The following SORCS2 variants were observed in gnomAD, a reference collection of about 807,000 sequenced individuals.
SORCS2 encodes sortilin related VPS10 domain containing receptor 2.
Under a neutral mutation model 141.6 loss-of-function variants are expected in SORCS2, and 100 were observed. The ratio of observed to expected loss-of-function variants is 0.71; its 90% CI spans 0.60 to 0.83. SORCS2 has a LOEUF of 0.83. Ranked by LOEUF, SORCS2 falls within the 40% of genes least tolerant of loss-of-function variation. The probability of loss-of-function intolerance (pLI) is 0.00; values close to 1 mark genes in which losing one functional copy is unlikely to be tolerated. For missense variants in SORCS2, 1,646 were observed against 1,560.2 expected (o/e 1.05, Z -0.93); for synonymous variants, 789 against 676.9 (o/e 1.17, Z -2.57).
intron 1 of SORCS2, among the ~76,000 whole-genome samples, chr4:7,266,858 G>C (rs1714769120): frequency 6.6e-6 from 1 of 152,172 alleles, no homozygotes; most frequent in African/African-American, 2.4e-5. Flanking sequence ...TGCCGGGCTC[G>C]AGTCCCAGCT....
intron 15 of SORCS2, 59 bp downstream of exon 15, chr4:7,712,912 A>G (rs1246538651): frequency 2.1e-5 from 33 of 1,592,388 alleles, no homozygotes; most frequent in East Asian, 2.2e-5. Context: ...ACACAGGCCC[A>G]CTCTGCCTGC....
intron 8 of SORCS2, among the ~76,000 whole-genome samples, chr4:7,669,231 A>C (rs1271579185): frequency 6.6e-6 from 1 of 152,242 alleles, no homozygotes. Context: ...GCCTCAGGTC[A>C]TTCAGTTTCA....
At chr4:7,295,147 CCT>C (rs1716954207) in intron 1 of SORCS2, among the ~76,000 whole-genome samples, 1 of 44,420 alleles carries the variant, frequency 2.3e-5, no homozygotes, top group Non-Finnish European at 4.7e-5. Flanking sequence ...TCCTCCTCTC[CCT>C]CCTCCTCCCT....
chr4:7,243,570 A>T (rs1424534250), intron 1 of SORCS2, among the ~76,000 whole-genome samples: 2 of 152,202 alleles, frequency 1.3e-5, no homozygotes, highest in African/African-American at 2.4e-5. Flanking sequence ...CTGGCATCTC[A>T]TGATGACACC....
intron 1 of SORCS2, among the ~76,000 whole-genome samples, chr4:7,294,362 G>A (rs988292140): frequency 2.0e-5 from 3 of 152,114 alleles, no homozygotes; most frequent in Non-Finnish European, 4.4e-5. Flanking sequence ...GCTAGGTGGT[G>A]CAGGGGTGGA....
chr4:7,655,784 C>T (rs958460627), intron 5 of SORCS2, among the ~76,000 whole-genome samples: 3 of 152,298 alleles, frequency 2.0e-5, no homozygotes, highest in East Asian at 1.9e-4. Flanking sequence ...CCAGGAGGTG[C>T]GATTTCTGAG....
chr4:7,440,627 G>C (rs1727603377), intron 2 of SORCS2, among the ~76,000 whole-genome samples: 1 of 152,206 alleles, frequency 6.6e-6, no homozygotes, highest in Non-Finnish European at 1.5e-5. Context: ...TGGGGGCCTA[G>C]ACAGCACCAT....
chr4:7,531,663 C>G (rs369920881), intron 3 of SORCS2, 34 bp downstream of exon 3: 1 of 1,590,644 alleles, frequency 6.3e-7, no homozygotes, highest in East Asian at 2.2e-5. Flanking sequence ...GCCACTCTGG[C>G]TCTCGCCTTG....
chr4:7,260,145 T>C (rs955121452), intron 1 of SORCS2, among the ~76,000 whole-genome samples: 12 of 152,318 alleles, frequency 7.9e-5, no homozygotes, highest in Middle Eastern at 3.4e-3. Context: ...AGAACCCATG[T>C]GTGGGAACTT....
chr4:7,455,076 GCTGTGTTGGGGTCAGGCA>G (rs1204179868), intron 2 of SORCS2, among the ~76,000 whole-genome samples: 13 of 79,934 alleles, frequency 1.6e-4, no homozygotes, highest in African/African-American at 5.5e-4. Flanking sequence ...GGGGTCAGCT[GCTGTGTTGGGGTCAGGCA>G]CTGTGTTGGG....
chr4:7,264,069 G>A (rs546775386), intron 1 of SORCS2, among the ~76,000 whole-genome samples: 2 of 152,298 alleles, frequency 1.3e-5, no homozygotes, highest in African/African-American at 4.8e-5. Context: ...CTTTGGATGG[G>A]GGAGCAGAGA....
At chr4:7,532,449 A>T (rs1352871057) in intron 3 of SORCS2, among the ~76,000 whole-genome samples, 1 of 152,240 alleles carries the variant, frequency 6.6e-6, no homozygotes, top group Non-Finnish European at 1.5e-5. Flanking sequence ...TGAGGTGGGC[A>T]CACAGGCCCC....
At chr4:7,420,891 C>T (rs777832270) in intron 2 of SORCS2, among the ~76,000 whole-genome samples, 4 of 152,312 alleles carry the variant, frequency 2.6e-5, no homozygotes, top group African/African-American at 9.6e-5. Flanking sequence ...TGGCGCGGAG[C>T]CTCTCGCTTG....
intron 2 of SORCS2, among the ~76,000 whole-genome samples, chr4:7,515,576 C>T (rs978079400): frequency 5.3e-5 from 8 of 152,222 alleles, no homozygotes; most frequent in African/African-American, 1.7e-4. Context: ...GGACACCGTC[C>T]ATCCTGCTGA....
intron 3 of SORCS2, among the ~76,000 whole-genome samples, chr4:7,543,342 C>G (rs371164116): frequency 1.3e-5 from 2 of 152,168 alleles, no homozygotes; most frequent in South Asian, 4.1e-4. Flanking sequence ...CATCTATCCA[C>G]TTATCCATCC....
At chr4:7,241,736 G>A (rs1332321859) in intron 1 of SORCS2, among the ~76,000 whole-genome samples, 4 of 152,146 alleles carry the variant, frequency 2.6e-5, no homozygotes, top group South Asian at 2.1e-4. Context: ...TTTCTTTTCC[G>A]TTCCGATTCT....
At chr4:7,366,768 C>CAA (rs1721925983) in intron 1 of SORCS2, among the ~76,000 whole-genome samples, 1 of 151,974 alleles carries the variant, frequency 6.6e-6, no homozygotes, top group African/African-American at 2.4e-5. Flanking sequence ...GTCTACCCCC[C>CAA]CAACCCCCAA....
chr4:7,262,876 C>A (rs1006420092), intron 1 of SORCS2, among the ~76,000 whole-genome samples: 2 of 152,200 alleles, frequency 1.3e-5, no homozygotes, highest in African/African-American at 4.8e-5. Context: ...GGACACAGCC[C>A]AGACATTCTT....
intron 3 of SORCS2, among the ~76,000 whole-genome samples, chr4:7,637,551 G>A (rs1441522882): frequency 2.1e-5 from 3 of 146,090 alleles, no homozygotes; most frequent in Non-Finnish European, 3.0e-5. Flanking sequence ...TCAGTGCCCA[G>A]AACAGTGCCC....
Sources: gnomAD v4.1 joint callset for allele counts (sites outside exome capture counted in the v4.1 genomes callset) on GRCh38, gnomAD v4.1.1 for gene constraint, MANE v1.5 for transcripts, NCBI Gene and HGNC (gene_info 2026-07-23, HGNC 2026-07-21) for gene names.